THSD7B: variants seen among roughly 807,000 people sequenced by gnomAD.
THSD7B encodes thrombospondin type-1 domain-containing protein 7B.
THSD7B carries 138 observed loss-of-function variants against 213.6 expected under a neutral mutation model. That is an observed-to-expected ratio of 0.65 (90% CI 0.56 to 0.74). THSD7B has a LOEUF of 0.74. Ranked by LOEUF, THSD7B falls within the 30% of genes least tolerant of loss-of-function variation. THSD7B has a pLI of 0.00. For synonymous variants in THSD7B, 742 were observed against 687.0 expected (o/e 1.08, Z -1.25); for missense variants, 1,931 against 1,991.5 (o/e 0.97, Z 0.58).
chr2:137,265,620 T>TA, intron 10 of THSD7B, among the ~76,000 whole-genome samples: 1 of 152,134 alleles, frequency 6.6e-6, no homozygotes, highest in Non-Finnish European at 1.5e-5. Flanking sequence ...TGGCAAGAAA[T>TA]AAAAAGGTCC....
chr2:136,784,296 A>T (rs1681799178), intron 1 of THSD7B, among the ~76,000 whole-genome samples: 1 of 152,148 alleles, frequency 6.6e-6, no homozygotes, highest in Non-Finnish European at 1.5e-5. Flanking sequence ...TTGAGCACAG[A>T]CTCTGCAAGA....
At chr2:137,332,840 C>T (rs1483263713) in intron 12 of THSD7B, among the ~76,000 whole-genome samples, 1 of 152,152 alleles carries the variant, frequency 6.6e-6, no homozygotes, top group African/African-American at 2.4e-5. Flanking sequence ...GTGCCTTCTG[C>T]CATGATTGTA....
chr2:137,060,766 A>G (rs1178644063), intron 3 of THSD7B, among the ~76,000 whole-genome samples: 1 of 151,972 alleles, frequency 6.6e-6, no homozygotes, highest in East Asian at 1.9e-4. Flanking sequence ...GTAGTTTTAT[A>G]GTAAATTGTA....
chr2:137,223,973 G>C (rs1681438099), intron 7 of THSD7B, among the ~76,000 whole-genome samples: 2 of 152,106 alleles, frequency 1.3e-5, no homozygotes, highest in Non-Finnish European at 2.9e-5. Context: ...TAAGTTTCCT[G>C]AGGCCTTTCC....
At chr2:137,072,133 A>G (rs957217007) in intron 3 of THSD7B, among the ~76,000 whole-genome samples, 17 of 152,084 alleles carry the variant, frequency 1.1e-4, no homozygotes, top group Admixed American at 1.0e-3. Context: ...GTTTTTTCCA[A>G]TTCTGTGAAG....
chr2:136,919,085 A>G (rs1258538845), intron 2 of THSD7B, among the ~76,000 whole-genome samples: 3 of 152,210 alleles, frequency 2.0e-5, no homozygotes, highest in African/African-American at 7.2e-5. Flanking sequence ...CAAACCCCAA[A>G]GTGAAACAAT....
Position 137,221,292 on chromosome 2 carries a change from A to C in THSD7B, c.1724-9752A>C, listed in dbSNP as rs1441975926. ...ACAGAGCAAGGCTCCGTCTCAAAAA[A>C]AACAAAAACAAAAACAAAAACAAAA... is the stretch of plus-strand genomic sequence containing the variant. On this transcript the variant is annotated intron_variant, in intron 7 of 27. Transcript: ENST00000409968. Among the ~76,000 whole-genome samples the C allele has an allele frequency of 4.6e-5, 7 of 151,946 alleles. No individual in the cohort carries two copies. In the South Asian group the frequency reaches 6.2e-4, roughly 14 times the overall value.
In THSD7B at chr2:137,164,509, A is replaced by ACCT. The variant is rs1217168023; in HGVS notation, c.1525+4143_1525+4144insTCC. ...GATCTGGAGCTAGAAATACCATTTG[A>ACCT]CCCAGCCATCCCATTACTGGGTATA... On this transcript the variant is annotated intron_variant, in intron 6 of 27. Coordinates refer to ENST00000409968, the MANE Select transcript of THSD7B (RefSeq NM_001316349.2). Among the ~76,000 whole-genome samples, 1,329 of 152,250 alleles carry ACCT rather than the reference A, an allele frequency of 8.7e-3. 21 individuals carry two copies. The highest frequency in any genetic ancestry group is 0.03 in the African/African-American group (1,255 of 41,536).
intron 17 of THSD7B, among the ~76,000 whole-genome samples, chr2:137,609,145 G>A (rs755869737): frequency 1.1e-4 from 16 of 152,066 alleles, no homozygotes; most frequent in East Asian, 3.9e-4. Context: ...CAAAGCTTGC[G>A]TTGTTACTCA....
intron 15 of THSD7B, among the ~76,000 whole-genome samples, chr2:137,478,945 G>A (rs1263011148): frequency 1.3e-5 from 2 of 152,188 alleles, no homozygotes; most frequent in Non-Finnish European, 2.9e-5. Context: ...CCCTAATGGT[G>A]GCAGTGGTGC....
chr2:137,377,482 T>C (rs1685683454), intron 12 of THSD7B, among the ~76,000 whole-genome samples: 2 of 152,160 alleles, frequency 1.3e-5, no homozygotes, highest in African/African-American at 4.8e-5. Context: ...TAAATGCTTA[T>C]GATTCCTAAG....
At chr2:136,865,846 G>A (rs754215358) in intron 1 of THSD7B, among the ~76,000 whole-genome samples, 3 of 152,198 alleles carry the variant, frequency 2.0e-5, no homozygotes, top group African/African-American at 4.8e-5. Flanking sequence ...TGGCAAAGAT[G>A]TGTTGGAGTG....
At position 137,102,251 on chromosome 2, in the gene THSD7B, C is replaced by CAAA. The variant is rs1269087404; in HGVS notation, c.1199+7130_1199+7131insAAA. 3.4e-3 allele frequency among the ~76,000 whole-genome samples: 516 copies of CAAA among 152,296 alleles called. 3 individuals are homozygous for CAAA. The highest frequency in any genetic ancestry group is 0.011 in the African/African-American group (437 of 41,560). On this transcript the variant is annotated intron_variant, in intron 4 of 27. Transcript: ENST00000409968. ...GCTGGAGATACCCAGGCAAACAGAG[C>CAAA]CTGAAGTGGACCTCCAGCAGACTCC... is the stretch of plus-strand genomic sequence containing the variant.
chr2:136,973,479 A>C (rs1365500218), intron 2 of THSD7B, among the ~76,000 whole-genome samples: 1 of 151,962 alleles, frequency 6.6e-6, no homozygotes, highest in East Asian at 1.9e-4. Context: ...ATGGGGTTGT[A>C]TTTTATATCA....
chr2:137,405,556 C>G (rs1686496274), intron 12 of THSD7B, 57 bp from the exon 13 acceptor site: 2 of 1,486,186 alleles, frequency 1.3e-6, no homozygotes, highest in Non-Finnish European at 1.8e-6. Flanking sequence ...TGTCAAAGAA[C>G]CAGCAGCTGA....
chr2:137,353,216 C>G (rs1335754100), intron 12 of THSD7B, among the ~76,000 whole-genome samples: 1 of 151,978 alleles, frequency 6.6e-6, no homozygotes, highest in African/African-American at 2.4e-5. Context: ...AAAGCAGAGT[C>G]AGAAAGAAAT....
At chr2:137,313,130 A>G (rs935704680) in intron 12 of THSD7B, among the ~76,000 whole-genome samples, 19 of 152,164 alleles carry the variant, frequency 1.2e-4, no homozygotes, top group South Asian at 6.2e-4. Flanking sequence ...CATTATTAAT[A>G]TGTGGGAGAC....
chr2:136,769,537 C>CTT (rs1343264670), intron 1 of THSD7B, among the ~76,000 whole-genome samples: 1 of 152,100 alleles, frequency 6.6e-6, no homozygotes, highest in African/African-American at 2.4e-5. Context: ...GGAGTTGAAT[C>CTT]TAAGCGTGGT....
At chr2:136,931,190 A>G (rs184541984) in intron 2 of THSD7B, among the ~76,000 whole-genome samples, 2 of 152,312 alleles carry the variant, frequency 1.3e-5, no homozygotes, top group African/African-American at 4.8e-5. Flanking sequence ...GGTCAGATCA[A>G]TGACAAGTAG....
Sources: allele counts gnomAD v4.1 joint callset (sites outside exome capture counted in the v4.1 genomes callset), GRCh38; gene constraint gnomAD v4.1.1; transcripts MANE v1.5; gene names NCBI Gene and HGNC (gene_info 2026-07-23, HGNC 2026-07-21).